The following CDH4 variants were observed in gnomAD, a reference collection of about 807,000 sequenced individuals.
The protein encoded by CDH4 is cadherin 4, also known as cadherin-4.
Under a neutral mutation model 86.0 loss-of-function variants are expected in CDH4, and 33 were observed. The observed-to-expected ratio is 0.38, with a 90% confidence interval of 0.29 to 0.51. CDH4 has a LOEUF of 0.51. Among genes scored for constraint, CDH4 ranks in the 20% least tolerant of loss-of-function variants. CDH4 has a pLI of 0.86. For missense variants in CDH4, 1,114 were observed against 1,307.4 expected, an observed-to-expected ratio of 0.85 and a Z score of 2.28; for synonymous variants, 555 against 549.4, an observed-to-expected ratio of 1.01 and a Z score of -0.14.
chr20:61,655,016 G>A (rs963042693), intron 2 of CDH4, among the ~76,000 whole-genome samples: 2 of 152,264 alleles, frequency 1.3e-5, no homozygotes, highest in East Asian at 1.9e-4. Flanking sequence ...GGGAGGAGGC[G>A]ACACTGGGTC....
rs111212440 is a variant in CDH4, at chr20:61,518,759, A to G, written c.170-224804A>G. ...CATCCATTCATCCATCCATTCGTAC[A>G]TCCACCCATCATCCATCCTTTCATC... On this transcript the variant is annotated intron_variant, in intron 2 of 15. Transcript: ENST00000614565. This position sits in a 1 kb window ranked among gnomAD's most constrained non-coding sequence, Gnocchi z 6.3. Among the ~76,000 whole-genome samples the G allele has an allele frequency of 7.5e-3, 1,137 of 150,614 alleles. 14 individuals carry two copies. The highest frequency in any genetic ancestry group is 0.026 in the African/African-American group (1,048 of 40,848).
At chr20:61,365,052 G>A (rs963642511) in intron 2 of CDH4, among the ~76,000 whole-genome samples, 2 of 152,166 alleles carry the variant, frequency 1.3e-5, no homozygotes, top group African/African-American at 4.8e-5. Flanking sequence ...CCAAGATATG[G>A]AATGGATCTC....
At chr20:61,402,728 C>T (rs1240023603) in intron 2 of CDH4, among the ~76,000 whole-genome samples, 2 of 152,110 alleles carry the variant, frequency 1.3e-5, no homozygotes, top group South Asian at 2.1e-4. Context: ...AATCAGCAGT[C>T]GGTTGAATCC....
At chr20:61,288,016 G>A (rs547257865) in intron 2 of CDH4, among the ~76,000 whole-genome samples, 19 of 152,286 alleles carry the variant, frequency 1.2e-4, no homozygotes, top group Admixed American at 1.1e-3. Flanking sequence ...TCCACAGCAC[G>A]AAAGGAAACG....
chr20:61,491,884 T>C (rs561788271), intron 2 of CDH4, among the ~76,000 whole-genome samples: 1 of 152,022 alleles, frequency 6.6e-6, no homozygotes, highest in East Asian at 1.9e-4. Flanking sequence ...GGTATTGATG[T>C]TGGTGTTGTC....
chr20:61,614,519 G>A (rs2086710365), intron 2 of CDH4, among the ~76,000 whole-genome samples: 1 of 152,128 alleles, frequency 6.6e-6, no homozygotes, highest in East Asian at 1.9e-4. Context: ...CAGGTGGCCG[G>A]TGCGTGGGAC....
intron 2 of CDH4, among the ~76,000 whole-genome samples, chr20:61,323,202 G>C (rs1417836827): frequency 6.6e-6 from 1 of 152,204 alleles, no homozygotes; most frequent in Non-Finnish European, 1.5e-5. Context: ...AGGGGAGTGT[G>C]CACCTAGAGG....
At chr20:61,864,384 C>A (rs542184636) in intron 6 of CDH4, among the ~76,000 whole-genome samples, 2 of 152,240 alleles carry the variant, frequency 1.3e-5, no homozygotes, top group African/African-American at 2.4e-5. Flanking sequence ...CCCCTGGTTT[C>A]GCCCACTTCC....
chr20:61,807,975 G>A lies in CDH4; in HGVS notation c.576+34793G>A, dbSNP rs545112292. On this transcript the variant is annotated intron_variant, in intron 4 of 15. Transcript: ENST00000614565. This position sits in a 1 kb window ranked among gnomAD's most constrained non-coding sequence, Gnocchi z 4.5. The stretch of plus-strand genomic sequence containing the variant: ...CCTCAGGGCAAGCTGCCATAGCAGC[G>A]ATGAGCCCACACACGTCTCCAGCCC... Among the ~76,000 whole-genome samples the A allele has an allele frequency of 1.8e-4, 28 of 152,316 alleles. No individual in the cohort carries two copies. The highest frequency in any genetic ancestry group is 2.9e-4 in the Non-Finnish European group (20 of 68,030).
At chr20:61,699,536 G>A (rs2087751494) in intron 2 of CDH4, among the ~76,000 whole-genome samples, 1 of 152,016 alleles carries the variant, frequency 6.6e-6, no homozygotes, top group African/African-American at 2.4e-5. Flanking sequence ...CCGAGTTGTT[G>A]TCCACTCGAG....
chr20:61,444,163 T>C (rs1044867862), intron 2 of CDH4, among the ~76,000 whole-genome samples: 2 of 151,462 alleles, frequency 1.3e-5, no homozygotes, highest in African/African-American at 2.4e-5. Context: ...TCTGTATCTA[T>C]GTGTGTGTGT....
At chr20:61,264,171 A>C (rs1409683517) in intron 2 of CDH4, among the ~76,000 whole-genome samples, 3 of 152,166 alleles carry the variant, frequency 2.0e-5, no homozygotes, top group African/African-American at 4.8e-5. Flanking sequence ...CAATCCTAGC[A>C]GGTGTGTGTG....
At chr20:61,887,739 C>A (rs1984611377) in intron 7 of CDH4, among the ~76,000 whole-genome samples, 1 of 152,252 alleles carries the variant, frequency 6.6e-6, no homozygotes, top group South Asian at 2.1e-4. Flanking sequence ...TGCAGGCTGA[C>A]ATTCTTCTCC....
At chr20:61,905,848 C>T (rs2054782868) in intron 8 of CDH4, among the ~76,000 whole-genome samples, 3 of 151,998 alleles carry the variant, frequency 2.0e-5, no homozygotes, top group African/African-American at 4.8e-5. Flanking sequence ...CACTAATGAC[C>T]ACTATGCTGA....
Position 61,362,403 on chromosome 20 carries a change from T to TGGCCTAGGACAGCGC in CDH4, c.169+107466_169+107467insGGCCTAGGACAGCGC, listed in dbSNP as rs2084788567. ...GGCAGAGATGTGGCCTAGGACAGCG[T>TGGCCTAGGACAGCGC]AGGGGAGAGCAGAGACGTGGCCTAG... On this transcript the variant is annotated intron_variant, in intron 2 of 15. Transcript: ENST00000614565. Among the ~76,000 whole-genome samples, 3 of 146,222 alleles carry TGGCCTAGGACAGCGC rather than the reference T, an allele frequency of 2.1e-5. No homozygotes were observed. In the East Asian group the frequency reaches 6.2e-4, roughly 30 times the overall value.
At chr20:61,314,773 C>T (rs1162679945) in intron 2 of CDH4, among the ~76,000 whole-genome samples, 10 of 152,172 alleles carry the variant, frequency 6.6e-5, no homozygotes, top group Non-Finnish European at 1.5e-5. Flanking sequence ...CCCTTTTCTC[C>T]ACGTCCTCAC....
chr20:61,580,541 T>C (rs2086418311), intron 2 of CDH4, among the ~76,000 whole-genome samples: 1 of 152,210 alleles, frequency 6.6e-6, no homozygotes, highest in South Asian at 2.1e-4. Flanking sequence ...GGTTGATGCA[T>C]GTAGACCTCT....
chr20:61,699,526 C>T (rs1600888243), intron 2 of CDH4, among the ~76,000 whole-genome samples: 1 of 87,658 alleles, frequency 1.1e-5, no homozygotes, highest in Non-Finnish European at 3.6e-5. Flanking sequence ...TTCTGGCTCT[C>T]CGAGTTGTTG....
chr20:61,800,941 G>T (rs1037096302), intron 4 of CDH4, among the ~76,000 whole-genome samples: 16 of 152,244 alleles, frequency 1.1e-4, no homozygotes, highest in Non-Finnish European at 1.8e-4. Context: ...CATAGGGTAG[G>T]CCTGGGCATG....
Sources: gnomAD v4.1 joint callset for allele counts (sites outside exome capture counted in the v4.1 genomes callset) on GRCh38, gnomAD v4.1.1 for gene constraint, Gnocchi (gnomAD v3.1) non-coding constraint, MANE v1.5 for transcripts, NCBI Gene and HGNC (gene_info 2026-07-23, HGNC 2026-07-21) for gene names.